The following RC3H1 variants were observed in gnomAD, a reference collection of about 807,000 sequenced individuals.
The protein encoded by RC3H1 is ring finger and CCCH-type domains 1.
Under a neutral mutation model 138.2 loss-of-function variants are expected in RC3H1, and 50 were observed. That is an observed-to-expected ratio of 0.36 (90% CI 0.29 to 0.46). The LOEUF (loss-of-function observed/expected upper bound fraction) is 0.46, where lower values mean the gene tolerates loss of function less well. Ranked by LOEUF, RC3H1 falls within the 20% of genes least tolerant of loss-of-function variation. RC3H1 has a pLI of 1.00. For missense variants in RC3H1, 1,031 were observed against 1,388.1 expected, an observed-to-expected ratio of 0.74 and a Z score of 4.09; for synonymous variants, 462 against 489.1, an observed-to-expected ratio of 0.94 and a Z score of 0.73.
At chr1:174,008,416 C>A (rs1291529157) in intron 1 of RC3H1, among the ~76,000 whole-genome samples, 2 of 151,744 alleles carry the variant, frequency 1.3e-5, no homozygotes, top group Non-Finnish European at 2.9e-5. Flanking sequence ...AAGAAGGAAG[C>A]AGAAGCAGCA....
chr1:173,998,631 C>T (rs1466029625), intron 1 of RC3H1, among the ~76,000 whole-genome samples: 2 of 152,204 alleles, frequency 1.3e-5, no homozygotes, highest in African/African-American at 2.4e-5. Context: ...AGCTACAGTA[C>T]AGAATATCAC....
chr1:173,951,075 A>C (rs1161541449), intron 14 of RC3H1, among the ~76,000 whole-genome samples: 1 of 152,180 alleles, frequency 6.6e-6, no homozygotes, highest in East Asian at 1.9e-4. Context: ...CTGTAATCCC[A>C]GCACTTTGGA....
At chr1:174,011,328 CTT>C (rs1014106951) in intron 1 of RC3H1, among the ~76,000 whole-genome samples, 2 of 151,616 alleles carry the variant, frequency 1.3e-5, no homozygotes, top group African/African-American at 4.8e-5. Context: ...TTTTGATAAA[CTT>C]AATGAGAGGC....
At chr1:174,016,422 C>CTTTTT (rs1189625122) in intron 1 of RC3H1, among the ~76,000 whole-genome samples, 2 of 118,276 alleles carry the variant, frequency 1.7e-5, no homozygotes, top group African/African-American at 3.5e-5. Flanking sequence ...TTTAAGTTTC[C>CTTTTT]TTTTTTTTTT....
rs1314415367 is a variant in RC3H1 at position 173,932,530 on chromosome 1, A to T, written c.*6191T>A. 6.6e-6 allele frequency: 1 copy of T among 152,130 alleles called. No individual in the cohort carries two copies. The highest frequency in any genetic ancestry group is 1.5e-5 in the Non-Finnish European group (1 of 67,990). The allele number at this position is 152,130 out of a possible 1,614,324, so 9.4% of individuals were successfully genotyped here. A position where few individuals can be genotyped will look rare whatever the true frequency, so the allele number is the denominator to read the frequency against. On this transcript the variant is annotated 3_prime_UTR_variant, in exon 20 of 20. Coordinates refer to ENST00000367696, the MANE Select transcript of RC3H1 (RefSeq NM_172071.4). ...GATAATGAGACCTGTGGACTAATTA[A>T]TTTTTTTAAAAAAGTTCCTTTTATT...
intron 1 of RC3H1, among the ~76,000 whole-genome samples, chr1:174,001,595 C>A (rs1661565750): frequency 2.0e-5 from 3 of 152,026 alleles, no homozygotes; most frequent in African/African-American, 7.3e-5. Context: ...CAACACCATG[C>A]CTGGCTAATT....
At chr1:173,942,791 C>T (rs1472576953) in intron 18 of RC3H1, among the ~76,000 whole-genome samples, 2 of 151,762 alleles carry the variant, frequency 1.3e-5, no homozygotes, top group Non-Finnish European at 2.9e-5. Flanking sequence ...GATCGCACCA[C>T]TGCACTCCAG....
In RC3H1 at chr1:173,943,314, G is replaced by A. The variant is rs928063509; in HGVS notation, c.3135+128C>T. ...ATCGGAAGGTAGCCCACCTGCATGAGAATTATTTTAAATATTAACCACTCA... is the reference window on the plus strand; with the variant it reads ...ATCGGAAGGTAGCCCACCTGCATGAAAATTATTTTAAATATTAACCACTCA... On this transcript the variant is annotated intron_variant, in intron 18 of 19. Transcript: ENST00000367696. 8 of 837,634 alleles carry A rather than the reference G, an allele frequency of 9.6e-6. No homozygotes were observed. The African/African-American group carries it at 1.0e-4, about 11-fold the overall frequency. 51.9% of individuals were successfully genotyped at this position (837,634 alleles called of 1,614,324 possible).
intron 18 of RC3H1, among the ~76,000 whole-genome samples, chr1:173,942,428 C>CAAAAAAAAAAAAAA (rs60694243): frequency 8.4e-4 from 32 of 38,076 alleles, no homozygotes; most frequent in African/African-American, 4.3e-3. Context: ...GACTCAGTCT[C>CAAAAAAAAAAAAAA]AAAAAAAAAA....
chr1:174,012,193 T>C (rs536445282), intron 1 of RC3H1, among the ~76,000 whole-genome samples: 118 of 151,772 alleles, frequency 7.8e-4, no homozygotes, highest in Non-Finnish European at 1.5e-3. Context: ...ATCCCTCTAC[T>C]GCACTCTAGC....
rs752711147 is a variant in RC3H1, at chr1:173,964,003, G to C, written c.1801C>G (p.Pro601Ala). Residue 601 changes from proline (P) to alanine (A), a missense_variant, in exon 11 of 20, where the codon CCG (proline) becomes GCG (alanine). Physicochemically the swap from Pro to Ala is conservative, Grantham distance 27 (BLOSUM62 -1). Coordinates refer to ENST00000367696, the MANE Select transcript of RC3H1 (RefSeq NM_172071.4). ...VYYQDPRGAA[P>A]PFEPAPYQQG... ...TGATAAGGTGCTGGTTCAAATGGCG[G>C]AGCTGCTCCTCGAGGATCCTGATAA... The C allele has an allele frequency of 6.2e-7, 1 of 1,614,114 alleles. No individual in the cohort carries two copies. Among genetic ancestry groups the C allele is most frequent in the South Asian group, 1.1e-5 (1 of 91,064 alleles).
chr1:173,951,918 G>A (rs1290221890), intron 14 of RC3H1, 68 bp downstream of exon 14: 1 of 1,431,642 alleles, frequency 7.0e-7, no homozygotes, highest in East Asian at 2.4e-5. Flanking sequence ...GTGCCTAAAT[G>A]GTAATGGGTA....
At chr1:173,979,395 C>T (rs547588952) in intron 6 of RC3H1, among the ~76,000 whole-genome samples, 1 of 152,298 alleles carries the variant, frequency 6.6e-6, no homozygotes, top group East Asian at 1.9e-4. Flanking sequence ...CGCCTGTAAT[C>T]CTAGCACTTT....
intron 1 of RC3H1, among the ~76,000 whole-genome samples, chr1:173,994,022 G>GAAAAAAAAAAAAAAA (rs372280833): frequency 4.3e-5 from 2 of 46,958 alleles, no homozygotes; most frequent in African/African-American, 7.7e-5. Flanking sequence ...CTCCATCTCA[G>GAAAAAAAAAAAAAAA]AAAAAAAAAA....
chr1:173,982,751 G>A lies in RC3H1; in HGVS notation c.744C>T (p.Leu248=). ...SKTSIGHVVQ[L]LYRASCFKVT... ...CCTTGAAACAGGAGGCTCTATAAAG[G>A]AGCTGAACAACATGCCCAATGCTAG... The change falls in exon 5 of 20, where the codon CTC becomes CTT. Residue 248 remains leucine, a synonymous_variant. Transcript: ENST00000367696. 1 of 1,612,708 alleles carries A rather than the reference G, an allele frequency of 6.2e-7. No individual in the cohort carries two copies. The highest frequency in any genetic ancestry group is 1.1e-5 in the South Asian group (1 of 90,900).
intron 1 of RC3H1, among the ~76,000 whole-genome samples, chr1:174,016,557 C>A (rs1301210335): frequency 8.6e-5 from 13 of 150,652 alleles, no homozygotes; most frequent in Middle Eastern, 3.5e-3. Flanking sequence ...CTGTACTCAA[C>A]TTAAGTTGTT....
chr1:173,941,118 C>T (rs530862279), intron 19 of RC3H1, 147 bp downstream of exon 19: 74 of 617,040 alleles, frequency 1.2e-4, no homozygotes, highest in Admixed American at 4.5e-4. Context: ...TGCGCCCGGC[C>T]GCAAAAATAT....
At chr1:173,946,310 G>A (rs917253587) in intron 17 of RC3H1, among the ~76,000 whole-genome samples, 166 bp downstream of exon 17, 1 of 152,058 alleles carries the variant, frequency 6.6e-6, no homozygotes, top group African/African-American at 2.4e-5. Context: ...GTTTTCTGTT[G>A]TCCCAGAGCT....
At chr1:173,985,751 T>C (rs1008388342) in intron 2 of RC3H1, among the ~76,000 whole-genome samples, 1 of 152,142 alleles carries the variant, frequency 6.6e-6, no homozygotes, top group African/African-American at 2.4e-5. Context: ...AACTGAAGCT[T>C]TGTATTCTTT....
Sources: allele counts gnomAD v4.1 joint callset (sites outside exome capture counted in the v4.1 genomes callset), GRCh38; gene constraint gnomAD v4.1.1; transcripts MANE v1.5; gene names NCBI Gene and HGNC (gene_info 2026-07-23, HGNC 2026-07-21).